ZNHIT1: variants seen among roughly 807,000 people sequenced by gnomAD.
The protein encoded by ZNHIT1 is zinc finger HIT domain-containing protein 1.
A neutral mutation model predicts 21.4 loss-of-function variants in ZNHIT1; 20 were observed. The observed-to-expected ratio is 0.93, with a 90% confidence interval of 0.66 to 1.36. The LOEUF is 1.36. Ranked by LOEUF, ZNHIT1 falls within the 40% of genes most tolerant of loss-of-function variation. The pLI is 0.00. For synonymous variants in ZNHIT1, 79 were observed against 84.0 expected, an observed-to-expected ratio of 0.94 and a Z score of 0.32; for missense variants, 170 against 213.5, an observed-to-expected ratio of 0.80 and a Z score of 1.27.
chr7:101,220,289 T>C, intron 1 of ZNHIT1: 1 of 151,958 alleles, frequency 6.6e-6, no homozygotes, highest in Non-Finnish European at 1.5e-5. Flanking sequence ...CTGGCTAATT[T>C]TTGTATTTTT....
In ZNHIT1 at chr7:101,224,115, G is replaced by C; in HGVS notation, c.*157G>C. ...GTGTCTTATCTGCCAGGAAAGACCA[G>C]CCTCACTCCTGGGAACTGTCTGGCA... On this transcript the variant is annotated 3_prime_UTR_variant, in exon 5 of 5. Transcript: ENST00000305105. 2 of 1,156,894 alleles carry C rather than the reference G, an allele frequency of 1.7e-6. No homozygotes were observed. The highest frequency in any genetic ancestry group is 2.5e-6 in the Non-Finnish European group (2 of 807,256). 71.7% of individuals were successfully genotyped at this position (1,156,894 alleles called of 1,614,324 possible).
At chr7:101,219,123 T>A (rs1024846389) in intron 1 of ZNHIT1, 2 of 152,260 alleles carry the variant, frequency 1.3e-5, no homozygotes, top group Admixed American at 6.5e-5. Flanking sequence ...TTTTTTTTTT[T>A]AGACAGAGTC....
intron 1 of ZNHIT1, chr7:101,218,724 G>T (rs772293089): frequency 1.3e-5 from 2 of 159,120 alleles, no homozygotes; most frequent in East Asian, 1.9e-4. Flanking sequence ...TTTCTGGAAG[G>T]GGGGCAGAAA....
chr7:101,222,928 T>C (rs114198975), intron 2 of ZNHIT1, among the ~76,000 whole-genome samples, 154 bp downstream of exon 2: 1,820 of 152,328 alleles, frequency 0.012, 35 homozygotes, highest in African/African-American at 0.042. Flanking sequence ...TTTCTGTGCC[T>C]CAGTTTCCTC....
At chr7:101,219,875 T>G (rs79528252) in intron 1 of ZNHIT1, 1 of 152,266 alleles carries the variant, frequency 6.6e-6, no homozygotes, top group South Asian at 2.1e-4. Context: ...AAGTCTTCCC[T>G]GACTACTCCA....
chr7:101,223,119 TC>T (rs920695167), intron 2 of ZNHIT1, among the ~76,000 whole-genome samples: 24 of 152,170 alleles, frequency 1.6e-4, no homozygotes, highest in African/African-American at 5.8e-4. Context: ...ACGCCTGTAA[TC>T]CCAGCATTTG....
intron 1 of ZNHIT1, 31 bp downstream of exon 1, chr7:101,218,248 C>T: frequency 6.2e-7 from 1 of 1,606,774 alleles, no homozygotes. Flanking sequence ...CGCCCCCTTC[C>T]CCTTCCCAAG....
intron 1 of ZNHIT1, chr7:101,222,319 A>C: frequency 2.4e-6 from 1 of 414,748 alleles, no homozygotes. Flanking sequence ...CTCCCCAGTC[A>C]GCAGTGAGCT....
In ZNHIT1 at chr7:101,224,008, A is replaced by G. The variant is rs1266190226; in HGVS notation, c.*50A>G. ...GGCCGCTGTGCACTGCCCGGCCTTC[A>G]GAAAGACAGAATTTCATCACCCAAT... is the stretch of plus-strand genomic sequence containing the variant. On this transcript the variant is annotated 3_prime_UTR_variant, in exon 5 of 5. Transcript: ENST00000305105. 1.2e-6 allele frequency: 2 copies of G among 1,613,792 alleles called. No homozygotes were observed. The highest frequency in any genetic ancestry group is 1.7e-5 in the Admixed American group (1 of 59,994).
chr7:101,219,416 T>A (rs1798335530), intron 1 of ZNHIT1: 1 of 149,566 alleles, frequency 6.7e-6, no homozygotes, highest in Middle Eastern at 3.4e-3. Context: ...GCCCTTTTAG[T>A]TTTTCTTTCT....
intron 1 of ZNHIT1, 196 bp from the exon 2 acceptor site, chr7:101,222,408 T>A (rs1216049858): frequency 1.3e-5 from 7 of 551,434 alleles, no homozygotes; most frequent in Middle Eastern, 4.9e-4. Flanking sequence ...ACTGAAAGGG[T>A]CTCAGCTGGC....
At position 101,222,663 on chromosome 7, in the gene ZNHIT1, A is replaced by G; in HGVS notation, c.82A>G (p.Ile28Val). 7.4e-6 allele frequency: 12 copies of G among 1,614,072 alleles called. No homozygotes were observed. The highest frequency in any genetic ancestry group is 1.1e-5 in the South Asian group (1 of 91,070). Residue 28 changes from isoleucine to valine, a missense_variant, in exon 2 of 5, where the codon ATC becomes GTC. Coordinates refer to ENST00000305105, the MANE Select transcript of ZNHIT1 (RefSeq NM_006349.3). ...VLDRAARQRR[I>V]NRQLEALEND... ...GGACCGGGCTGCCCGGCAGCGTCGC[A>G]TCAACCGGCAGCTGGAGGCCCTGGA...
chr7:101,224,088 C>G lies in ZNHIT1; in HGVS notation c.*130C>G. On this transcript the variant is annotated 3_prime_UTR_variant, in exon 5 of 5. Transcript: ENST00000305105. ...GGAGCCGCTCATTCACCCAACAAAA[C>G]TGTGTCTTATCTGCCAGGAAAGACC... 7.0e-7 allele frequency: 1 copy of G among 1,420,944 alleles called. No homozygotes were observed. The highest frequency in any genetic ancestry group is 9.7e-7 in the Non-Finnish European group (1 of 1,025,946). 88.0% of individuals were successfully genotyped at this position (1,420,944 alleles called of 1,614,324 possible). A position where few individuals can be genotyped will look rare whatever the true frequency, so the allele number is the denominator to read the frequency against.
At chr7:101,223,384 C>A in intron 2 of ZNHIT1, 93 bp from the exon 3 acceptor site, 1 of 1,390,356 alleles carries the variant, frequency 7.2e-7, no homozygotes, top group Non-Finnish European at 1.0e-6. Flanking sequence ...CAAAAAGAAC[C>A]AGGAGGGCAC....
chr7:101,218,402 T>G, intron 1 of ZNHIT1, 185 bp downstream of exon 1: 1 of 626,160 alleles, frequency 1.6e-6, no homozygotes. Context: ...GCCTCCGGAG[T>G]GGCTGGAACT....
rs1405203317 is a variant in ZNHIT1 at position 101,222,697 on chromosome 7, A to G, written c.116A>G (p.Asn39Ser). 7.4e-6 allele frequency: 12 copies of G among 1,614,032 alleles called. No individual in the cohort carries two copies. Among genetic ancestry groups the G allele is most frequent in the African/African-American group, 1.3e-5 (1 of 74,936 alleles). ...CAGCTGGAGGCCCTGGAGAATGACA[A>G]CTTCCAGGATGACCCCCACGCGGGA... The part of the protein sequence containing the change: ...NRQLEALEND[N>S]FQDDPHAGLP... Residue 39 changes from asparagine (N) to serine (S), a missense_variant, in exon 2 of 5, where the codon AAC becomes AGC. Transcript: ENST00000305105.
chr7:101,222,823 G>A, intron 2 of ZNHIT1, 49 bp downstream of exon 2: 2 of 1,583,990 alleles, frequency 1.3e-6, no homozygotes, highest in Non-Finnish European at 1.7e-6. Flanking sequence ...GAGGAGGGCG[G>A]GAGAGTCCGC....
At chr7:101,219,969 G>A (rs895020947) in intron 1 of ZNHIT1, 2 of 152,130 alleles carry the variant, frequency 1.3e-5, no homozygotes, top group Non-Finnish European at 2.9e-5. Flanking sequence ...TACTTACTGT[G>A]TTTGTTTCAT....
Position 101,223,674 on chromosome 7 carries a change from A to T in ZNHIT1, c.275A>T (p.Asn92Ile). Reference protein sequence around the residue: ...KNFQALLEEQNLSVAEGPNYL... With the variant: ...KNFQALLEEQILSVAEGPNYL... ...AGAGCCGGCCCCTTGTCTCTGCAGA[A>T]CTTGAGTGTGGCCGAGGGCCCTAAC... Residue 92 changes from asparagine (N) to isoleucine (I), a missense_variant and splice_region_variant, in exon 4 of 5, where the codon AAC becomes ATC. By Grantham distance (149) the Asn-to-Ile change is moderately radical (BLOSUM62 -3). Transcript: ENST00000305105. The T allele has an allele frequency of 6.2e-7, 1 of 1,610,792 alleles. No individual in the cohort carries two copies. Among genetic ancestry groups the T allele is most frequent in the Non-Finnish European group, 8.5e-7 (1 of 1,178,214 alleles).
Sources: gnomAD v4.1 joint callset for allele counts (sites outside exome capture counted in the v4.1 genomes callset) on GRCh38, gnomAD v4.1.1 for gene constraint, MANE v1.5 for transcripts, NCBI Gene and HGNC (gene_info 2026-07-23, HGNC 2026-07-21) for gene names.